Variants in CDC20B observed in about 807,000 individuals in gnomAD.
CDC20B encodes cell division cycle 20B, also known as cell division cycle protein 20 homolog B.
CDC20B carries 58 observed loss-of-function variants against 64.1 expected under a neutral mutation model. That is an observed-to-expected ratio of 0.90 (90% CI 0.73 to 1.13). The LOEUF is 1.13. Ranked by LOEUF, CDC20B falls within the 50% of genes most tolerant of loss-of-function variation. CDC20B has a pLI of 0.00. For missense variants in CDC20B, 597 were observed against 633.0 expected, an observed-to-expected ratio of 0.94 and a Z score of 0.61; for synonymous variants, 243 against 230.6, an observed-to-expected ratio of 1.05 and a Z score of -0.49.
chr5:55,124,677 C>T (rs1742831732), intron 9 of CDC20B, 126 bp downstream of exon 9: 5 of 859,468 alleles, frequency 5.8e-6, no homozygotes, highest in Non-Finnish European at 8.8e-6. Flanking sequence ...TGATGACAAA[C>T]TCCAAAGCAA....
intron 2 of CDC20B, among the ~76,000 whole-genome samples, chr5:55,150,055 C>T (rs942191277): frequency 6.6e-5 from 10 of 152,190 alleles, no homozygotes; most frequent in South Asian, 2.1e-4. Flanking sequence ...TCGCTTGAAC[C>T]CAGGAGGCAG....
chr5:55,116,401 C>T (rs1742627800), intron 11 of CDC20B, among the ~76,000 whole-genome samples: 1 of 152,086 alleles, frequency 6.6e-6, no homozygotes, highest in South Asian at 2.1e-4. Flanking sequence ...ATCCAGCCTC[C>T]TAAAAAGAAG....
intron 2 of CDC20B, among the ~76,000 whole-genome samples, chr5:55,154,084 TG>T (rs1427665491): frequency 5.9e-5 from 9 of 152,078 alleles, no homozygotes. Flanking sequence ...AGAAGGGAGA[TG>T]GACAAGTCAG....
At chr5:55,116,498 G>T (rs1337489318) in intron 11 of CDC20B, among the ~76,000 whole-genome samples, 1 of 152,014 alleles carries the variant, frequency 6.6e-6, no homozygotes, top group Non-Finnish European at 1.5e-5. Flanking sequence ...ACCCAGACTG[G>T]AGTGCAGTGG....
chr5:55,127,286 A>T lies in CDC20B; in HGVS notation c.960T>A (p.Ala320=). Reference sequence around the variant, plus strand: ...TGAGGATAAAGTGATTCCAGCTCAGAGCCCCAACTACTGACAAATGACCAA... The same window carrying T: ...TGAGGATAAAGTGATTCCAGCTCAGTGCCCCAACTACTGACAAATGACCAA... ...NMLGHLSVVG[A]LSWNHFILSS... is the part of the protein sequence containing the mutation. Residue 320 remains alanine, a synonymous_variant, in exon 8 of 12, where the codon GCT becomes GCA. Coordinates refer to ENST00000381375, the MANE Select transcript of CDC20B (RefSeq NM_001170402.1). 4 of 1,614,160 alleles carry T rather than the reference A, an allele frequency of 2.5e-6. No individual in the cohort carries two copies. The highest frequency in any genetic ancestry group is 3.4e-6 in the Non-Finnish European group (4 of 1,179,982).
At chr5:55,126,801 G>T (rs1742904777) in intron 8 of CDC20B, among the ~76,000 whole-genome samples, 1 of 152,128 alleles carries the variant, frequency 6.6e-6, no homozygotes, top group East Asian at 1.9e-4. Flanking sequence ...TCTGATACAT[G>T]TTCTAGTTTG....
intron 4 of CDC20B, among the ~76,000 whole-genome samples, chr5:55,142,933 T>C (rs1324803818): frequency 1.3e-5 from 2 of 152,190 alleles, no homozygotes; most frequent in East Asian, 3.8e-4. Context: ...TTGGATTTGA[T>C]AAATTCAAAA....
intron 5 of CDC20B, among the ~76,000 whole-genome samples, chr5:55,139,580 T>A (rs76824240): frequency 0.013 from 2,003 of 152,294 alleles, 45 homozygotes; most frequent in African/African-American, 0.041. Context: ...AATACTCAGC[T>A]AAACAATTAT....
chr5:55,162,183 G>A (rs1744110233), intron 2 of CDC20B, among the ~76,000 whole-genome samples: 1 of 151,354 alleles, frequency 6.6e-6, no homozygotes, highest in South Asian at 2.1e-4. Flanking sequence ...ATCACTTAAG[G>A]TCAGGAGTTA....
intron 5 of CDC20B, among the ~76,000 whole-genome samples, chr5:55,138,242 C>T (rs1024872214): frequency 3.3e-5 from 5 of 151,352 alleles, no homozygotes; most frequent in Non-Finnish European, 7.4e-5. Flanking sequence ...CTCACTACAA[C>T]CTCCGCCTCC....
chr5:55,168,074 C>T (rs745490398), intron 2 of CDC20B, among the ~76,000 whole-genome samples: 1 of 151,748 alleles, frequency 6.6e-6, no homozygotes, highest in Non-Finnish European at 1.5e-5. Context: ...CATATTTAGT[C>T]CTCTGCTTGA....
chr5:55,133,775 G>A (rs1377881608), intron 5 of CDC20B, among the ~76,000 whole-genome samples: 3 of 152,048 alleles, frequency 2.0e-5, no homozygotes, highest in Non-Finnish European at 4.4e-5. Context: ...CATGCATACA[G>A]ACCTGAATGT....
rs547735989 is a variant in CDC20B, at chr5:55,148,260, T to G, written c.127-1404A>C. Among the ~76,000 whole-genome samples, 31 of 152,292 alleles carry G rather than the reference T, an allele frequency of 2.0e-4. No individual in the cohort carries two copies. In the South Asian group the frequency reaches 6.4e-3, roughly 32 times the overall value. On this transcript the variant is annotated intron_variant, in intron 2 of 11. Coordinates refer to ENST00000381375, the MANE Select transcript of CDC20B (RefSeq NM_001170402.1). Reference sequence around the variant, plus strand: ...TGAGATGTTAGCAATAATTTTTTTGTGACAATCCCTGGTGTTGAAGGTGCC... The same window carrying G: ...TGAGATGTTAGCAATAATTTTTTTGGGACAATCCCTGGTGTTGAAGGTGCC...
At chr5:55,132,763 C>T (rs1487399676) in intron 6 of CDC20B, among the ~76,000 whole-genome samples, 7 of 152,204 alleles carry the variant, frequency 4.6e-5, no homozygotes, top group African/African-American at 1.7e-4. Flanking sequence ...CCCACCTATT[C>T]ACCAGTCCCC....
intron 6 of CDC20B, among the ~76,000 whole-genome samples, chr5:55,130,067 T>A (rs1742990986): frequency 6.6e-6 from 1 of 151,912 alleles, no homozygotes; most frequent in African/African-American, 2.4e-5. Flanking sequence ...AAAACACACA[T>A]GAAATGAATG....
rs1580332526 is a variant in CDC20B, at chr5:55,114,154, G to A, written c.*64C>T. The stretch of plus-strand genomic sequence containing the variant: ...ATACTCATAAAAACCCCATGGAGAA[G>A]ACATAGCCAACATCATCATCTTCAC... On this transcript the variant is annotated 3_prime_UTR_variant, in exon 12 of 12. Transcript: ENST00000381375. The surrounding 1 kb of genome is among the most constrained non-coding windows in gnomAD (Gnocchi z 4.1). 3 of 1,560,292 alleles carry A rather than the reference G, an allele frequency of 1.9e-6. No homozygotes were observed. The East Asian group carries it at 7.2e-5, about 37-fold the overall frequency.
intron 6 of CDC20B, 70 bp from the exon 7 acceptor site, chr5:55,128,687 T>C: frequency 2.6e-6 from 3 of 1,153,828 alleles, no homozygotes; most frequent in Non-Finnish European, 3.6e-6. Flanking sequence ...TAAACAACTT[T>C]ATAGGTAGGG....
At position 55,114,167 on chromosome 5, in the gene CDC20B, T is replaced by C. The variant is rs1262601250; in HGVS notation, c.*51A>G. On this transcript the variant is annotated 3_prime_UTR_variant, in exon 12 of 12. Coordinates refer to ENST00000381375, the MANE Select transcript of CDC20B (RefSeq NM_001170402.1). This position sits in a 1 kb window ranked among gnomAD's most constrained non-coding sequence, Gnocchi z 4.1. ...CCCCATGGAGAAGACATAGCCAACA[T>C]CATCATCTTCACTCAGAAATAAGGA... The C allele has an allele frequency of 6.3e-7, 1 of 1,580,344 alleles. No individual in the cohort carries two copies. The highest frequency in any genetic ancestry group is 8.6e-7 in the Non-Finnish European group (1 of 1,163,450).
chr5:55,125,808 C>T (rs1211128852), intron 8 of CDC20B, among the ~76,000 whole-genome samples: 1 of 152,250 alleles, frequency 6.6e-6, no homozygotes, highest in Non-Finnish European at 1.5e-5. Context: ...TTGTGATTAA[C>T]AATATGGGCT....
Sources: allele counts gnomAD v4.1 joint callset (sites outside exome capture counted in the v4.1 genomes callset), GRCh38; gene constraint gnomAD v4.1.1; non-coding constraint Gnocchi (gnomAD v3.1); transcripts MANE v1.5; gene names NCBI Gene and HGNC (gene_info 2026-07-23, HGNC 2026-07-21).